Variants in ZC3H4 observed in about 807,000 individuals in gnomAD.
ZC3H4 encodes the protein zinc finger CCCH domain-containing protein 4.
A neutral mutation model predicts 108.3 loss-of-function variants in ZC3H4; 13 were observed. The ratio of observed to expected loss-of-function variants is 0.12; its 90% CI spans 0.08 to 0.19. The LOEUF is 0.19. Ranked by LOEUF, ZC3H4 falls within the 10% of genes least tolerant of loss-of-function variation. The pLI is 1.00. For synonymous variants in ZC3H4, 917 were observed against 749.6 expected, an observed-to-expected ratio of 1.22 and a Z score of -3.65; for missense variants, 1,734 against 1,838.8, an observed-to-expected ratio of 0.94 and a Z score of 1.04.
In ZC3H4 at chr19:47,080,761, T is replaced by C. The variant is rs1307630232; in HGVS notation, c.1440+752A>G. ...CTCACTGCAACCTCTGCCTCCTAAG[T>C]AGCTGGGACTACACGCATGTGCCAC... On this transcript the variant is annotated intron_variant, in intron 11 of 14. Transcript: ENST00000253048. Among the ~76,000 whole-genome samples, 5 of 151,942 alleles carry C rather than the reference T, an allele frequency of 3.3e-5. No homozygotes were observed. In the East Asian group the frequency reaches 5.8e-4, roughly 18 times the overall value.
At position 47,075,077 on chromosome 19, in the gene ZC3H4, C is replaced by T. The variant is rs190809835; in HGVS notation, c.1441-2364G>A. On this transcript the variant is annotated intron_variant, in intron 11 of 14. Transcript: ENST00000253048. ...GACCCCCTGGTGGGGGTTGTGCATTCGCAGTTTTCCCTTCTCCTAGCCATT... is the reference window on the plus strand; with the variant it reads ...GACCCCCTGGTGGGGGTTGTGCATTTGCAGTTTTCCCTTCTCCTAGCCATT... 7.1e-3 allele frequency among the ~76,000 whole-genome samples: 1,085 copies of T among 152,258 alleles called. 3 individuals are homozygous for T. Among genetic ancestry groups the T allele is most frequent in the Non-Finnish European group, 0.012 (788 of 68,000 alleles).
rs757620582 is a variant in ZC3H4, at chr19:47,072,085, G to A, written c.1839C>T (p.Gly613=). The change falls in exon 13 of 15, where the codon GGC becomes GGT. Residue 613 remains glycine (G), a synonymous_variant. Coordinates refer to ENST00000253048, the MANE Select transcript of ZC3H4 (RefSeq NM_015168.2). The surrounding 1 kb of genome is among the most constrained non-coding windows in gnomAD (Gnocchi z 5.6). ...CTGGGGGTCCCATGTTGGGCCCAGG[G>A]CCCATTGGCCCTGGGGGTCCACCGG... The part of the protein sequence containing the change: ...PGPGGPPGPM[G]PGPNMGPPGP... 3 of 1,560,918 alleles carry A rather than the reference G, an allele frequency of 1.9e-6. No homozygotes were observed. The South Asian group carries it at 3.6e-5, about 18-fold the overall frequency.
chr19:47,101,869 A>G (rs562709605), intron 2 of ZC3H4, among the ~76,000 whole-genome samples: 4 of 142,130 alleles, frequency 2.8e-5, no homozygotes, highest in South Asian at 2.2e-4. Context: ...CTCTGTCTCG[A>G]AAAAAAAAAA....
rs190650053 is a variant in ZC3H4, at chr19:47,075,662, G to A, written c.1441-2949C>T. ...CACTCCCCATGTGTCATCAGCATCC[G>A]CCCAAGGACCTAACCCTGCCTCCTC... On this transcript the variant is annotated intron_variant, in intron 11 of 14. Transcript: ENST00000253048. Among the ~76,000 whole-genome samples the A allele has an allele frequency of 3.9e-4, 60 of 151,924 alleles. 1 individual carries two copies. The East Asian group carries it at 9.7e-3, about 25-fold the overall frequency.
rs530420745 is a variant in ZC3H4 at position 47,098,225 on chromosome 19, C to T, written c.162-3617G>A. Among the ~76,000 whole-genome samples, 17 of 152,282 alleles carry T rather than the reference C, an allele frequency of 1.1e-4. No homozygotes were observed. In the South Asian group the frequency reaches 1.2e-3, roughly 11 times the overall value. On this transcript the variant is annotated intron_variant, in intron 2 of 14. Transcript: ENST00000253048. ...TGGTAAAGACATTTCATGTTCAGACCGGGTGTGGTGGCTCATGCCTTCGGG... is the reference window on the plus strand; with the variant it reads ...TGGTAAAGACATTTCATGTTCAGACTGGGTGTGGTGGCTCATGCCTTCGGG...
intron 2 of ZC3H4, among the ~76,000 whole-genome samples, chr19:47,101,414 C>T (rs979582264): frequency 4.0e-5 from 6 of 151,848 alleles, no homozygotes; most frequent in Non-Finnish European, 8.8e-5. Flanking sequence ...AAGACAGGGT[C>T]TCTCTATGTT....
chr19:47,094,004 C>T lies in ZC3H4; in HGVS notation c.458G>A (p.Arg153His), dbSNP rs2057780816. 1.2e-6 allele frequency: 2 copies of T among 1,614,162 alleles called. No homozygotes were observed. Among genetic ancestry groups the T allele is most frequent in the South Asian group, 1.1e-5 (1 of 91,086 alleles). ...TGGGGGGCTGTACTCTCTGTACTTGCGGTGACCTTTCTCACTGGGGCTGAA... is the reference window on the plus strand; with the variant it reads ...TGGGGGGCTGTACTCTCTGTACTTGTGGTGACCTTTCTCACTGGGGCTGAA... ...SDFSPSEKGH[R>H]KYREYSPPYA... Residue 153 changes from arginine to histidine, a missense_variant, in exon 4 of 15, where the codon CGC (arginine) becomes CAC (histidine). This residue lies in a region of ZC3H4 where 403 missense variants were observed against 457.0 expected (regional missense o/e 0.88). Transcript: ENST00000253048.
At position 47,067,634 on chromosome 19, in the gene ZC3H4, G is replaced by A. The variant is rs778092534; in HGVS notation, c.2634C>T (p.Gly878=). ...GTCCCGAATCACCTGGGCCAGACCC[G>A]CCAGAAGCCTCCACATGGCGGGTGA... ...PRLTRHVEAS[G]GSGPGDSGPS... The change falls in exon 15 of 15, where the codon GGC becomes GGT. Residue 878 remains glycine, a synonymous_variant. Transcript: ENST00000253048. The surrounding 1 kb of genome is among the most constrained non-coding windows in gnomAD (Gnocchi z 6.4). The A allele has an allele frequency of 1.9e-5, 30 of 1,604,142 alleles. No individual in the cohort carries two copies. Among genetic ancestry groups the A allele is most frequent in the Admixed American group, 3.4e-5 (2 of 59,078 alleles).
intron 2 of ZC3H4, chr19:47,096,756 G>A: frequency 3.1e-6 from 3 of 965,154 alleles, no homozygotes; most frequent in Non-Finnish European, 2.5e-6. Context: ...TCACCACCCA[G>A]GCCACTAATA....
chr19:47,071,034 G>A lies in ZC3H4; in HGVS notation c.2146+744C>T, dbSNP rs537833915. Among the ~76,000 whole-genome samples, 22 of 152,300 alleles carry A rather than the reference G, an allele frequency of 1.4e-4. 1 individual carries two copies. The South Asian group carries it at 4.1e-3, about 29-fold the overall frequency. ...CCTCGGAGGTCCCATCATTCCTCAC[G>A]TTGTGAGTGCCGCTTCACTTCTCAA... On this transcript the variant is annotated intron_variant, in intron 13 of 14. Transcript: ENST00000253048.
intron 2 of ZC3H4, among the ~76,000 whole-genome samples, chr19:47,100,899 T>C (rs1043949186): frequency 1.1e-4 from 16 of 152,072 alleles, no homozygotes; most frequent in Non-Finnish European, 2.2e-4. Flanking sequence ...GGTTTCGCCA[T>C]GTTGGCCAGG....
At chr19:47,098,473 T>G (rs2057857305) in intron 2 of ZC3H4, among the ~76,000 whole-genome samples, 2 of 107,110 alleles carry the variant, frequency 1.9e-5, no homozygotes, top group Admixed American at 1.2e-4. Flanking sequence ...CGAGACAGAG[T>G]GAAACTGTGT....
At chr19:47,069,465 C>T in intron 13 of ZC3H4, 122 bp from the exon 14 acceptor site, 2 of 1,282,002 alleles carry the variant, frequency 1.6e-6, no homozygotes, top group Non-Finnish European at 2.1e-6. Flanking sequence ...CAGCCTGCCC[C>T]TGCCTGCCCT....
At chr19:47,097,097 C>A (rs776669089) in intron 2 of ZC3H4, 11 of 680,452 alleles carry the variant, frequency 1.6e-5, no homozygotes, top group Non-Finnish European at 2.0e-5. Context: ...CAGAATGATT[C>A]TAGAAAGGAA....
intron 14 of ZC3H4, 46 bp downstream of exon 14, chr19:47,069,046 A>ACAGCGGC: frequency 6.2e-7 from 1 of 1,600,254 alleles, no homozygotes; most frequent in South Asian, 1.1e-5. Context: ...GCTCCCCTGC[A>ACAGCGGC]CAGCGGCCTG....
intron 5 of ZC3H4, among the ~76,000 whole-genome samples, chr19:47,086,906 G>A (rs574828688): frequency 6.6e-6 from 1 of 152,126 alleles, no homozygotes; most frequent in Non-Finnish European, 1.5e-5. Context: ...GACAAGACAA[G>A]CTAGCCCTGT....
intron 5 of ZC3H4, among the ~76,000 whole-genome samples, chr19:47,087,662 C>T (rs2057655232): frequency 6.6e-6 from 1 of 151,546 alleles, no homozygotes; most frequent in Non-Finnish European, 1.5e-5. Flanking sequence ...GTGGATTGCC[C>T]GAGCTCAGGA....
At chr19:47,098,234 T>C (rs1568563243) in intron 2 of ZC3H4, among the ~76,000 whole-genome samples, 1 of 152,238 alleles carries the variant, frequency 6.6e-6, no homozygotes, top group Non-Finnish European at 1.5e-5. Context: ...CCGGGTGTGG[T>C]GGCTCATGCC....
intron 13 of ZC3H4, 68 bp from the exon 14 acceptor site, chr19:47,069,411 C>T (rs1286033183): frequency 5.8e-6 from 9 of 1,543,148 alleles, no homozygotes; most frequent in Non-Finnish European, 7.9e-6. Context: ...AGCCCCCCTG[C>T]CCCTCACTGC....
Sources: gnomAD v4.1 joint callset for allele counts (sites outside exome capture counted in the v4.1 genomes callset) on GRCh38, gnomAD v4.1.1 for gene constraint, gnomAD v4.1.1 regional missense constraint, Gnocchi (gnomAD v3.1) non-coding constraint, MANE v1.5 for transcripts, NCBI Gene and HGNC (gene_info 2026-07-23, HGNC 2026-07-21) for gene names.